The following PLD1 variants were observed in gnomAD, a reference collection of about 807,000 sequenced individuals.
PLD1 encodes the protein choline phosphatase 1.
In PLD1, 112 loss-of-function variants were observed where a neutral mutation model predicts 137.1. The ratio of observed to expected loss-of-function variants is 0.82; its 90% CI spans 0.70 to 0.96. The LOEUF (loss-of-function observed/expected upper bound fraction) is 0.96. Among genes scored for constraint, PLD1 ranks in the 40% least tolerant of loss-of-function variants. The pLI is 0.00. For synonymous variants in PLD1, 431 were observed against 454.7 expected, an observed-to-expected ratio of 0.95 and a Z score of 0.66; for missense variants, 1,321 against 1,342.0, an observed-to-expected ratio of 0.98 and a Z score of 0.24.
chr3:171,794,298 A>G (rs1258082708), intron 1 of PLD1, among the ~76,000 whole-genome samples: 1 of 152,208 alleles, frequency 6.6e-6, no homozygotes, highest in Non-Finnish European at 1.5e-5. Flanking sequence ...CCTAATTTAT[A>G]TATTACATTT....
chr3:171,613,132 T>G (rs1395279725), intron 24 of PLD1, among the ~76,000 whole-genome samples: 1 of 152,168 alleles, frequency 6.6e-6, no homozygotes, highest in African/African-American at 2.4e-5. Flanking sequence ...ACTGCACCAC[T>G]GCACTTCAGC....
Position 171,713,972 on chromosome 3 carries a change from C to A in PLD1, c.832G>T (p.Val278Leu). Residue 278 changes from valine to leucine, a missense_variant, in exon 9 of 27, where the codon GTA becomes TTA. By Grantham distance (32) the Val-to-Leu change is conservative. Coordinates refer to ENST00000351298, the MANE Select transcript of PLD1 (RefSeq NM_002662.5). ...DSGAIAFVLL[V>L]DKEFKIKVGK... ...ACCTTAATTTTGAATTCTTTGTCTA[C>A]CAGCAGGACGAAGGCAATGGCACCG... 1 of 1,610,712 alleles carries A rather than the reference C, an allele frequency of 6.2e-7. No individual in the cohort carries two copies. Among genetic ancestry groups the A allele is most frequent in the Non-Finnish European group, 8.5e-7 (1 of 1,176,934 alleles).
chr3:171,624,685 T>C (rs952355366), intron 23 of PLD1, among the ~76,000 whole-genome samples: 2 of 152,076 alleles, frequency 1.3e-5, no homozygotes, highest in African/African-American at 4.8e-5. Context: ...CAAATCCACA[T>C]ATGGAAGACT....
chr3:171,781,180 A>G (rs1281858873), intron 1 of PLD1, among the ~76,000 whole-genome samples: 2 of 152,120 alleles, frequency 1.3e-5, no homozygotes, highest in Non-Finnish European at 2.9e-5. Flanking sequence ...TGGTCACTCG[A>G]TTTTCATGAA....
chr3:171,662,181 G>C lies in PLD1; in HGVS notation c.2230-11C>G. ...AGCAGAGCGGAGCAACTACAAGGCA[G>C]CAATCAGAAATGAACAAGTATTAGC... On this transcript the variant is annotated splice_polypyrimidine_tract_variant and intron_variant, in intron 19 of 26. Coordinates refer to ENST00000351298, the MANE Select transcript of PLD1 (RefSeq NM_002662.5). 1 of 1,518,862 alleles carries C rather than the reference G, an allele frequency of 6.6e-7. No individual in the cohort carries two copies. The highest frequency in any genetic ancestry group is 9.1e-7 in the Non-Finnish European group (1 of 1,094,584). The allele number at this position is 1,518,862 out of a possible 1,614,324, so 94.1% of individuals were successfully genotyped here. A position where few individuals can be genotyped will look rare whatever the true frequency, so the allele number is the denominator to read the frequency against.
intron 1 of PLD1, among the ~76,000 whole-genome samples, chr3:171,802,149 A>T (rs1723674401): frequency 6.6e-6 from 1 of 152,248 alleles, no homozygotes; most frequent in Non-Finnish European, 1.5e-5. Flanking sequence ...TCATATATTT[A>T]TATAACAACT....
At chr3:171,751,451 CATAAGAAAAAT>C (rs1254806343) in intron 1 of PLD1, among the ~76,000 whole-genome samples, 1 of 152,064 alleles carries the variant, frequency 6.6e-6, no homozygotes, top group African/African-American at 2.4e-5. Context: ...CCTATAAAAA[CATAAGAAAAAT>C]GTAAAAAATA....
chr3:171,784,166 T>C (rs897802391), intron 1 of PLD1, among the ~76,000 whole-genome samples: 1 of 152,188 alleles, frequency 6.6e-6, no homozygotes, highest in African/African-American at 2.4e-5. Flanking sequence ...CTTCAACAAA[T>C]TGGCTATCAG....
chr3:171,629,777 C>T (rs1207489786), intron 23 of PLD1, among the ~76,000 whole-genome samples: 3 of 152,066 alleles, frequency 2.0e-5, no homozygotes, highest in Non-Finnish European at 4.4e-5. Context: ...ATTCCCTATT[C>T]AATAAATGGT....
At chr3:171,648,039 T>C (rs1033757095) in intron 21 of PLD1, among the ~76,000 whole-genome samples, 3 of 152,206 alleles carry the variant, frequency 2.0e-5, no homozygotes, top group Non-Finnish European at 4.4e-5. Context: ...TGTTGTAGCA[T>C]GCGTCAGAAT....
At chr3:171,754,915 C>T (rs1720910826) in intron 1 of PLD1, among the ~76,000 whole-genome samples, 1 of 152,120 alleles carries the variant, frequency 6.6e-6, no homozygotes, top group Non-Finnish European at 1.5e-5. Context: ...CCAAGGTCAC[C>T]CTTGAGACTC....
intron 25 of PLD1, among the ~76,000 whole-genome samples, chr3:171,608,606 G>T (rs920595820): frequency 6.6e-6 from 1 of 152,152 alleles, no homozygotes; most frequent in Non-Finnish European, 1.5e-5. Context: ...AGAGACTAGC[G>T]AGAAGCCAGA....
chr3:171,799,791 C>T (rs1254148727), intron 1 of PLD1, among the ~76,000 whole-genome samples: 2 of 152,198 alleles, frequency 1.3e-5, no homozygotes, highest in Non-Finnish European at 2.9e-5. Context: ...CCTCTGTCCT[C>T]TCCCTCCCCA....
chr3:171,623,645 ACTATAAAGT>A (rs1278398314), intron 23 of PLD1, among the ~76,000 whole-genome samples: 3 of 149,554 alleles, frequency 2.0e-5, no homozygotes, highest in Non-Finnish European at 3.0e-5. Flanking sequence ...ATTAACACAT[ACTATAAAGT>A]CTGTATAATT....
chr3:171,697,815 G>A (rs542621393), intron 12 of PLD1, among the ~76,000 whole-genome samples: 6 of 152,150 alleles, frequency 3.9e-5, no homozygotes, highest in Admixed American at 1.3e-4. Context: ...CCATTAAATC[G>A]GGGCATTGTT....
chr3:171,732,994 C>A lies in PLD1; in HGVS notation c.606+450G>T, dbSNP rs78234525. On this transcript the variant is annotated intron_variant, in intron 6 of 26. Coordinates refer to ENST00000351298, the MANE Select transcript of PLD1 (RefSeq NM_002662.5). ...TCTCACTTTCACATGAAAAGACATG[C>A]CTTTAACAGGCATGACAAACCAATC... is the stretch of plus-strand genomic sequence containing the variant. 3.8e-3 allele frequency among the ~76,000 whole-genome samples: 574 copies of A among 152,322 alleles called. 2 individuals are homozygous for A. The highest frequency in any genetic ancestry group is 0.013 in the African/African-American group (545 of 41,562).
At chr3:171,701,320 G>T (rs1716217147) in intron 11 of PLD1, among the ~76,000 whole-genome samples, 1 of 152,138 alleles carries the variant, frequency 6.6e-6, no homozygotes. Context: ...GATCAGAAAA[G>T]ATCAAAGAAG....
At chr3:171,704,781 C>G (rs1011336118) in intron 11 of PLD1, among the ~76,000 whole-genome samples, 1 of 152,162 alleles carries the variant, frequency 6.6e-6, no homozygotes, top group East Asian at 1.9e-4. Context: ...GCAGCAGTCC[C>G]CAACCTTTTT....
chr3:171,650,249 G>A (rs1419297530), intron 21 of PLD1, among the ~76,000 whole-genome samples: 2 of 152,160 alleles, frequency 1.3e-5, no homozygotes, highest in East Asian at 3.9e-4. Context: ...GGGAAAAACA[G>A]GATAGACCCC....
Sources: gnomAD v4.1 joint callset for allele counts (sites outside exome capture counted in the v4.1 genomes callset) on GRCh38, gnomAD v4.1.1 for gene constraint, MANE v1.5 for transcripts, NCBI Gene and HGNC (gene_info 2026-07-23, HGNC 2026-07-21) for gene names.